Variants in XKR9 observed in about 807,000 individuals in gnomAD.
The protein encoded by XKR9 is XK related 9.
A neutral mutation model predicts 32.0 loss-of-function variants in XKR9; 32 were observed. The observed-to-expected ratio is 1.00, with a 90% CI of 0.76 to 1.34. The LOEUF (loss-of-function observed/expected upper bound fraction) is 1.34. Ranked by LOEUF, XKR9 falls within the 40% of genes most tolerant of loss-of-function variation. The pLI is 0.00. For missense variants in XKR9, 546 were observed against 429.7 expected (o/e 1.27, Z -2.39); for synonymous variants, 168 against 143.4 (o/e 1.17, Z -1.22).
At chr8:70,827,834 A>T in the XKR9 span, among the ~76,000 whole-genome samples, 1 of 152,254 alleles carries the variant, frequency 6.6e-6, no homozygotes, top group Non-Finnish European at 1.5e-5. Context: ...TTTTAACCAA[A>T]TAAAATAAAA....
the XKR9 span, among the ~76,000 whole-genome samples, chr8:70,991,055 C>T: frequency 6.6e-6 from 1 of 152,134 alleles, no homozygotes; most frequent in Non-Finnish European, 1.5e-5. Flanking sequence ...TTTAGTGATC[C>T]TTATTTTCCC....
chr8:70,855,432 G>A, the XKR9 span, among the ~76,000 whole-genome samples: 300 of 152,172 alleles, frequency 2.0e-3, 3 homozygotes, highest in Non-Finnish European at 2.2e-3. Context: ...TAGAGAAAAA[G>A]AATAAAAAGA....
chr8:70,938,116 T>C, the XKR9 span, among the ~76,000 whole-genome samples: 7 of 152,014 alleles, frequency 4.6e-5, 1 homozygote, highest in South Asian at 1.5e-3. Context: ...GGAAATTATT[T>C]TGGGCCAAAA....
intron 4 of XKR9, among the ~76,000 whole-genome samples, chr8:70,712,745 ACT>A (rs2132193673): frequency 6.6e-6 from 1 of 152,176 alleles, no homozygotes; most frequent in African/African-American, 2.4e-5. Flanking sequence ...AGAAACAAAA[ACT>A]CTAACAAAAG....
At chr8:71,044,235 C>T in the XKR9 span, among the ~76,000 whole-genome samples, 34 of 152,206 alleles carry the variant, frequency 2.2e-4, no homozygotes, top group African/African-American at 7.5e-4. Flanking sequence ...GTTAAATCTC[C>T]TCAAAAAAGA....
At chr8:70,971,695 CA>C in the XKR9 span, among the ~76,000 whole-genome samples, 1 of 152,152 alleles carries the variant, frequency 6.6e-6, no homozygotes, top group African/African-American at 2.4e-5. Context: ...CCAATTATCT[CA>C]GCTCCATTTG....
At chr8:70,826,075 T>C in the XKR9 span, among the ~76,000 whole-genome samples, 6 of 152,056 alleles carry the variant, frequency 3.9e-5, no homozygotes, top group Non-Finnish European at 4.4e-5. Flanking sequence ...TAAATCCATG[T>C]TGATAAAAGT....
At chr8:70,960,350 C>T in the XKR9 span, among the ~76,000 whole-genome samples, 34 of 152,136 alleles carry the variant, frequency 2.2e-4, no homozygotes, top group African/African-American at 7.7e-4. Context: ...CCCAGATATT[C>T]CTTTTGGGTA....
At chr8:70,814,908 A>G in the XKR9 span, among the ~76,000 whole-genome samples, 1 of 152,234 alleles carries the variant, frequency 6.6e-6, no homozygotes, top group Non-Finnish European at 1.5e-5. Flanking sequence ...TCTGTATATA[A>G]AAGCAGTGTT....
intron 4 of XKR9, among the ~76,000 whole-genome samples, chr8:70,719,030 C>T (rs1692416968): frequency 6.6e-6 from 1 of 152,114 alleles, no homozygotes; most frequent in South Asian, 2.1e-4. Context: ...GAGTTGGTAT[C>T]TCATTGTGGT....
At chr8:70,856,437 T>C in the XKR9 span, among the ~76,000 whole-genome samples, 1 of 152,128 alleles carries the variant, frequency 6.6e-6, no homozygotes, top group African/African-American at 2.4e-5. Flanking sequence ...CCTAAATATA[T>C]ATGCACCCAA....
chr8:70,822,690 A>T, the XKR9 span, among the ~76,000 whole-genome samples: 1 of 152,088 alleles, frequency 6.6e-6, no homozygotes, highest in East Asian at 1.9e-4. Flanking sequence ...CTGTGTGACA[A>T]GTTTAGCTTT....
the XKR9 span, among the ~76,000 whole-genome samples, chr8:70,888,297 CT>C: frequency 2.3e-4 from 34 of 146,060 alleles, no homozygotes; most frequent in South Asian, 2.2e-4. Flanking sequence ...AGATTATTTG[CT>C]TTTTTTTTTA....
the XKR9 span, among the ~76,000 whole-genome samples, chr8:70,939,292 A>T: frequency 2.4e-4 from 37 of 152,258 alleles, no homozygotes; most frequent in African/African-American, 8.9e-4. Context: ...CAGTGTGACT[A>T]CAAAACTTGT....
chr8:70,902,430 T>C, the XKR9 span, among the ~76,000 whole-genome samples: 1 of 152,302 alleles, frequency 6.6e-6, no homozygotes, highest in East Asian at 1.9e-4. Context: ...GAATGGGAGT[T>C]CACTCATGAT....
chr8:70,733,510 A>G (rs994376637), intron 4 of XKR9, among the ~76,000 whole-genome samples: 10 of 152,132 alleles, frequency 6.6e-5, no homozygotes, highest in African/African-American at 1.4e-4. Flanking sequence ...TTAAAAAATC[A>G]TAATAAAACA....
intron 2 of XKR9, among the ~76,000 whole-genome samples, chr8:70,785,830 A>G (rs1807681023): frequency 6.7e-6 from 1 of 148,684 alleles, no homozygotes; most frequent in Non-Finnish European, 1.5e-5. Context: ...ATTTATATTT[A>G]TCTATATTTA....
intron 2 of XKR9, among the ~76,000 whole-genome samples, chr8:70,770,473 G>A (rs148404680): frequency 0.012 from 1,770 of 152,298 alleles, 33 homozygotes; most frequent in African/African-American, 0.039. Context: ...CTTCAGAGCC[G>A]GCAGGCAGGA....
rs569431695 is a variant in XKR9 at position 70,764,573 on chromosome 8, G to A, written n.353-24766G>A. Among the ~76,000 whole-genome samples, 303 of 152,084 alleles carry A rather than the reference G, an allele frequency of 2.0e-3. 1 individual carries two copies. Among genetic ancestry groups the A allele is most frequent in the African/African-American group, 7.0e-3 (290 of 41,490 alleles). ...TCTGCCTCTTCATTTGTTAAAGAGGGGGATAAAAAATTTAGAATATTATTT... is the reference window on the plus strand; with the variant it reads ...TCTGCCTCTTCATTTGTTAAAGAGGAGGATAAAAAATTTAGAATATTATTT... On this transcript the variant is annotated intron_variant and non_coding_transcript_variant, in intron 2 of 3. Coordinates refer to the XKR9 transcript ENST00000520273.
Sources: allele counts gnomAD v4.1 joint callset (sites outside exome capture counted in the v4.1 genomes callset), GRCh38; gene constraint gnomAD v4.1.1; transcripts MANE v1.5; gene names NCBI Gene and HGNC (gene_info 2026-07-23, HGNC 2026-07-21).